CA10: variants seen among roughly 807,000 people sequenced by gnomAD.
CA10 encodes the protein carbonic anhydrase-related protein 10.
CA10 carries 14 observed loss-of-function variants against 44.2 expected under a neutral mutation model. The observed-to-expected ratio is 0.32, with a 90% confidence interval of 0.21 to 0.50. CA10 has a LOEUF of 0.50. CA10 is among the 20% of genes least tolerant of loss of function. CA10 has a pLI of 0.99. For missense variants in CA10, 350 were observed against 409.7 expected, an observed-to-expected ratio of 0.85 and a Z score of 1.26; for synonymous variants, 159 against 141.6, an observed-to-expected ratio of 1.12 and a Z score of -0.87.
chr17:51,719,854 C>T (rs754672498), intron 4 of CA10, among the ~76,000 whole-genome samples: 24 of 152,102 alleles, frequency 1.6e-4, no homozygotes, highest in African/African-American at 2.9e-4. Context: ...CCCACAACTG[C>T]AGCCTGGGTG....
chr17:51,754,739 T>C (rs902314157), intron 3 of CA10, among the ~76,000 whole-genome samples: 4 of 152,008 alleles, frequency 2.6e-5, no homozygotes. Context: ...AATTAATGTT[T>C]GACCAAATAT....
At chr17:52,127,209 C>T (rs990450245) in intron 1 of CA10, among the ~76,000 whole-genome samples, 1 of 152,162 alleles carries the variant, frequency 6.6e-6, no homozygotes, top group Non-Finnish European at 1.5e-5. Flanking sequence ...AAATAGCACG[C>T]TATACATATT....
intron 3 of CA10, among the ~76,000 whole-genome samples, chr17:51,796,234 G>A (rs1906703110): frequency 1.3e-5 from 2 of 151,678 alleles, no homozygotes; most frequent in African/African-American, 4.8e-5. Context: ...TTTTTTAGAG[G>A]CGACCACTGA....
At position 51,631,542 on chromosome 17, in the gene CA10, T is replaced by G; in HGVS notation, c.*42A>C. 1 of 1,571,204 alleles carries G rather than the reference T, an allele frequency of 6.4e-7. No homozygotes were observed. The highest frequency in any genetic ancestry group is 8.8e-7 in the Non-Finnish European group (1 of 1,141,208). On this transcript the variant is annotated 3_prime_UTR_variant, in exon 9 of 9. Transcript: ENST00000451037. The stretch of plus-strand genomic sequence containing the variant: ...ATTCTAGGTTACGTCAATTCACAGT[T>G]GTAGCATTTCACTGAGGTGGGATTC...
At chr17:51,758,927 T>C (rs562869949) in intron 3 of CA10, among the ~76,000 whole-genome samples, 9 of 152,282 alleles carry the variant, frequency 5.9e-5, no homozygotes, top group Middle Eastern at 3.4e-3. Context: ...AGACTGTGAA[T>C]GCAAGACTGT....
At chr17:51,972,402 CA>C (rs1984312153) in intron 2 of CA10, among the ~76,000 whole-genome samples, 1 of 137,152 alleles carries the variant, frequency 7.3e-6, no homozygotes, top group Non-Finnish European at 1.6e-5. Context: ...AAGTTTTGTA[CA>C]ATGCACTTTT....
chr17:51,865,537 G>A (rs1337020104), intron 3 of CA10, among the ~76,000 whole-genome samples: 2 of 152,176 alleles, frequency 1.3e-5, no homozygotes, highest in African/African-American at 4.8e-5. Context: ...CAGGCCGCAG[G>A]GCAGTGTCCA....
At chr17:51,870,219 C>A (rs930266449) in intron 3 of CA10, among the ~76,000 whole-genome samples, 2 of 152,222 alleles carry the variant, frequency 1.3e-5, no homozygotes, top group African/African-American at 2.4e-5. Context: ...ATACAGTTAG[C>A]AGCCCCTCCT....
chr17:51,831,246 G>A (rs1435694964), intron 3 of CA10, among the ~76,000 whole-genome samples: 1 of 152,184 alleles, frequency 6.6e-6, no homozygotes, highest in East Asian at 1.9e-4. Context: ...TTAAAGCTTG[G>A]CTCTCTCTGG....
chr17:52,135,185 C>G (rs1213707504), intron 1 of CA10: 1 of 339,446 alleles, frequency 2.9e-6, no homozygotes, highest in Non-Finnish European at 5.9e-6. Context: ...CTCAGTATAT[C>G]CCTCCCTCGC....
At chr17:51,777,225 T>C (rs1196061148) in intron 3 of CA10, among the ~76,000 whole-genome samples, 3 of 152,224 alleles carry the variant, frequency 2.0e-5, no homozygotes, top group African/African-American at 7.2e-5. Flanking sequence ...GGTTTGATTC[T>C]GGACATTTGA....
intron 2 of CA10, among the ~76,000 whole-genome samples, chr17:52,038,978 G>A (rs546560501): frequency 6.6e-6 from 1 of 152,014 alleles, no homozygotes; most frequent in South Asian, 2.1e-4. Context: ...TATTTCTCTT[G>A]GCCTCACTTT....
intron 1 of CA10, among the ~76,000 whole-genome samples, chr17:52,101,784 T>C (rs1988546087): frequency 6.6e-6 from 1 of 152,178 alleles, no homozygotes; most frequent in Non-Finnish European, 1.5e-5. Context: ...GCACTTCAAA[T>C]GTTAGCTATT....
At chr17:51,655,803 G>A (rs1567791184) in intron 4 of CA10, among the ~76,000 whole-genome samples, 1 of 152,338 alleles carries the variant, frequency 6.6e-6, no homozygotes, top group East Asian at 1.9e-4. Context: ...CATGAAGAGA[G>A]CACATGTTAC....
At chr17:51,855,901 C>A (rs1403328139) in intron 3 of CA10, among the ~76,000 whole-genome samples, 2 of 151,984 alleles carry the variant, frequency 1.3e-5, no homozygotes, top group Non-Finnish European at 2.9e-5. Context: ...AGACTTTTGT[C>A]ATGGTCTTTG....
intron 4 of CA10, among the ~76,000 whole-genome samples, chr17:51,730,637 G>GA (rs947623715): frequency 3.9e-5 from 6 of 151,916 alleles, no homozygotes; most frequent in East Asian, 1.9e-4. Flanking sequence ...ATGCCAGTAT[G>GA]AAAAAAATGC....
intron 2 of CA10, among the ~76,000 whole-genome samples, chr17:52,039,463 A>G (rs1251225737): frequency 6.6e-6 from 1 of 152,072 alleles, no homozygotes; most frequent in African/African-American, 2.4e-5. Context: ...ACCAGCAGGA[A>G]TCTCTATCCA....
At chr17:52,027,358 G>A (rs1986333713) in intron 2 of CA10, among the ~76,000 whole-genome samples, 2 of 151,980 alleles carry the variant, frequency 1.3e-5, no homozygotes, top group Admixed American at 6.6e-5. Context: ...GACTGGTATG[G>A]GGGTAGAGGG....
intron 2 of CA10, among the ~76,000 whole-genome samples, chr17:51,969,378 G>GT: frequency 1.3e-5 from 2 of 152,172 alleles, no homozygotes; most frequent in South Asian, 4.1e-4. Flanking sequence ...CACGTATCTG[G>GT]TAAGTGGACA....
Sources: allele counts gnomAD v4.1 joint callset (sites outside exome capture counted in the v4.1 genomes callset), GRCh38; gene constraint gnomAD v4.1.1; transcripts MANE v1.5; gene names NCBI Gene and HGNC (gene_info 2026-07-23, HGNC 2026-07-21).